SLC38A4: variants seen among roughly 807,000 people sequenced by gnomAD.
The protein encoded by SLC38A4 is sodium-coupled neutral amino acid transporter 4.
In SLC38A4, 20 loss-of-function variants were observed where a neutral mutation model predicts 63.1. That is an observed-to-expected ratio of 0.32 (90% CI 0.22 to 0.46). The LOEUF is 0.46. Ranked by LOEUF, SLC38A4 falls within the 20% of genes least tolerant of loss-of-function variation. SLC38A4 has a pLI of 1.00. For missense variants in SLC38A4, 526 were observed against 663.6 expected (o/e 0.79, Z 2.28); for synonymous variants, 230 against 225.5 (o/e 1.02, Z -0.18).
intron 2 of SLC38A4, among the ~76,000 whole-genome samples, chr12:46,796,573 C>A (rs1039886566): frequency 1.3e-5 from 2 of 152,116 alleles, no homozygotes; most frequent in African/African-American, 4.8e-5. Context: ...GTGTAAGTGG[C>A]TCTTCTGCTG....
intron 1 of SLC38A4, among the ~76,000 whole-genome samples, chr12:46,822,124 A>G (rs1460278755): frequency 6.6e-6 from 1 of 152,164 alleles, no homozygotes; most frequent in Non-Finnish European, 1.5e-5. Context: ...TATGCATATG[A>G]AATGTGCATG....
chr12:46,779,499 A>T, intron 10 of SLC38A4, 112 bp downstream of exon 10: 1 of 820,804 alleles, frequency 1.2e-6, no homozygotes, highest in Non-Finnish European at 2.0e-6. Flanking sequence ...CACTTGTGAT[A>T]CAAGAACTAT....
intron 1 of SLC38A4, among the ~76,000 whole-genome samples, chr12:46,831,431 A>G (rs1179326517): frequency 1.3e-5 from 2 of 152,110 alleles, no homozygotes; most frequent in Middle Eastern, 3.2e-3. Flanking sequence ...GGCTTCTCTT[A>G]GCTCGGTTGC....
At chr12:46,815,017 T>C (rs564167737) in intron 1 of SLC38A4, among the ~76,000 whole-genome samples, 1 of 151,794 alleles carries the variant, frequency 6.6e-6, no homozygotes, top group South Asian at 2.1e-4. Flanking sequence ...TGTGGAGAAA[T>C]AGATCACGTA....
intron 13 of SLC38A4, 66 bp downstream of exon 13, chr12:46,776,838 C>G (rs12316767): frequency 1.4e-6 from 2 of 1,383,064 alleles, no homozygotes; most frequent in Non-Finnish European, 2.1e-6. Flanking sequence ...AAAATCATAC[C>G]TACCCAGGTC....
At chr12:46,825,330 T>TATATATATATATATA (rs71070321) in intron 1 of SLC38A4, among the ~76,000 whole-genome samples, 3 of 150,896 alleles carry the variant, frequency 2.0e-5, no homozygotes, top group African/African-American at 7.3e-5. Context: ...TATATATATA[T>TATATATATATATATA]TCCTTACAGA....
intron 7 of SLC38A4, among the ~76,000 whole-genome samples, chr12:46,783,943 A>AAT (rs1001560092): frequency 5.3e-5 from 8 of 151,788 alleles, no homozygotes; most frequent in South Asian, 2.1e-4. Context: ...CATTGTTAAA[A>AAT]ATATATATAT....
chr12:46,778,879 T>G, intron 10 of SLC38A4, 103 bp from the exon 11 acceptor site: 4 of 983,598 alleles, frequency 4.1e-6, no homozygotes, highest in Non-Finnish European at 6.0e-6. Context: ...GTGAGGGAAC[T>G]CAGTTAGGGA....
chr12:46,777,293 A>G (rs976930528), intron 12 of SLC38A4, among the ~76,000 whole-genome samples: 48 of 151,944 alleles, frequency 3.2e-4, no homozygotes, highest in Non-Finnish European at 2.4e-4. Flanking sequence ...AATATAATTA[A>G]CATAAAGATC....
At chr12:46,797,270 C>T (rs1939029845) in intron 2 of SLC38A4, among the ~76,000 whole-genome samples, 1 of 152,000 alleles carries the variant, frequency 6.6e-6, no homozygotes, top group African/African-American at 2.4e-5. Context: ...AAAAGATTAC[C>T]ATTTGAATCA....
chr12:46,803,378 TA>T (rs1447688954), intron 2 of SLC38A4, among the ~76,000 whole-genome samples: 1 of 152,080 alleles, frequency 6.6e-6, no homozygotes, highest in Non-Finnish European at 1.5e-5. Flanking sequence ...AATTTTATGT[TA>T]AACCTAAAAT....
At chr12:46,810,955 T>C (rs1487609384) in intron 1 of SLC38A4, among the ~76,000 whole-genome samples, 1 of 152,052 alleles carries the variant, frequency 6.6e-6, no homozygotes, top group South Asian at 2.1e-4. Context: ...CTCCAGTTTG[T>C]TCTGAAAGAA....
upstream of SLC38A4, among the ~76,000 whole-genome samples, chr12:46,827,123 A>C (rs1939668630): frequency 6.6e-6 from 1 of 152,222 alleles, no homozygotes; most frequent in Non-Finnish European, 1.5e-5. Flanking sequence ...TGGGAACAAT[A>C]GGCAGAAATA....
intron 16 of SLC38A4, among the ~76,000 whole-genome samples, chr12:46,767,369 C>T (rs1938322599): frequency 6.6e-6 from 1 of 151,980 alleles, no homozygotes. Context: ...ATACTTAAAC[C>T]TCCTAATCCT....
At chr12:46,814,667 A>C (rs1240833069) in intron 1 of SLC38A4, among the ~76,000 whole-genome samples, 1 of 151,998 alleles carries the variant, frequency 6.6e-6, no homozygotes. Flanking sequence ...CATTCAGTAG[A>C]ATCAAATATA....
chr12:46,769,188 GA>G (rs1938359643), intron 15 of SLC38A4, 95 bp downstream of exon 15: 1 of 1,355,850 alleles, frequency 7.4e-7, no homozygotes, highest in Admixed American at 1.8e-5. Context: ...GCCTGAGAAA[GA>G]ACGGGGATCT....
intron 1 of SLC38A4, among the ~76,000 whole-genome samples, chr12:46,816,305 G>A (rs1939441072): frequency 6.6e-6 from 1 of 151,786 alleles, no homozygotes; most frequent in Non-Finnish European, 1.5e-5. Flanking sequence ...ATATTTGGAT[G>A]CATAATATTG....
chr12:46,798,935 C>G (rs568461561), intron 2 of SLC38A4, among the ~76,000 whole-genome samples: 213 of 152,230 alleles, frequency 1.4e-3, no homozygotes, highest in African/African-American at 4.9e-3. Flanking sequence ...ATGTCTTTGG[C>G]AGTAAGCGAA....
intron 14 of SLC38A4, among the ~76,000 whole-genome samples, 184 bp from the exon 15 acceptor site, chr12:46,769,612 C>T (rs1938371355): frequency 6.6e-6 from 1 of 151,866 alleles, no homozygotes; most frequent in Non-Finnish European, 1.5e-5. Flanking sequence ...ACCATCTTAA[C>T]CATTTTTAAG....
Sources: gnomAD v4.1 joint callset for allele counts (sites outside exome capture counted in the v4.1 genomes callset) on GRCh38, gnomAD v4.1.1 for gene constraint, MANE v1.5 for transcripts, NCBI Gene and HGNC (gene_info 2026-07-23, HGNC 2026-07-21) for gene names.